Variants in MTMR9 observed in about 807,000 individuals in gnomAD.
The protein encoded by MTMR9 is myotubularin related protein 9, also known as myotubularin-related protein 9.
In MTMR9, 39 loss-of-function variants were observed where a neutral mutation model predicts 69.5. That is an observed-to-expected ratio of 0.56 (90% CI 0.43 to 0.73). The LOEUF is 0.73. Among genes scored for constraint, MTMR9 ranks in the 30% least tolerant of loss-of-function variants. The probability of loss-of-function intolerance (pLI) is 0.00; values close to 1 mark genes in which losing one functional copy is unlikely to be tolerated. For synonymous variants in MTMR9, 354 were observed against 240.8 expected, an observed-to-expected ratio of 1.47 and a Z score of -4.35; for missense variants, 900 against 671.2, an observed-to-expected ratio of 1.34 and a Z score of -3.77.
intron 1 of MTMR9, among the ~76,000 whole-genome samples, chr8:11,290,532 C>A (rs1799345297): frequency 6.6e-6 from 1 of 152,030 alleles, no homozygotes; most frequent in Non-Finnish European, 1.5e-5. Flanking sequence ...GTCCCCAAAT[C>A]ACCAGGATGT....
At chr8:11,299,063 C>T (rs1479920215) in intron 2 of MTMR9, among the ~76,000 whole-genome samples, 2 of 152,162 alleles carry the variant, frequency 1.3e-5, no homozygotes, top group East Asian at 3.8e-4. Context: ...TGCGGTGGCT[C>T]ACACATGTAA....
At chr8:11,317,273 CAGTT>C (rs1447018316) in intron 8 of MTMR9, 1 of 153,668 alleles carries the variant, frequency 6.5e-6, no homozygotes, top group African/African-American at 2.4e-5. Context: ...GACATAGAGT[CAGTT>C]GGTCATCAAA....
In MTMR9 at chr8:11,324,297, C is replaced by T. The variant is rs1048471087; in HGVS notation, c.*1509C>T. On this transcript the variant is annotated 3_prime_UTR_variant, in exon 10 of 10. Transcript: ENST00000221086. ...AATTGCCCAATTCATCTTTCTTCTG[C>T]TTCCTCAGCCTTGTAGCAAAGGCTA... 2.6e-5 allele frequency: 4 copies of T among 152,156 alleles called. No homozygotes were observed. Among genetic ancestry groups the T allele is most frequent in the African/African-American group, 4.8e-5 (2 of 41,432 alleles). The allele number at this position is 152,156 out of a possible 1,614,324, so 9.4% of individuals were successfully genotyped here. A position where few individuals can be genotyped will look rare whatever the true frequency, so the allele number is the denominator to read the frequency against.
At chr8:11,338,223 TGAA>T in the MTMR9 span, among the ~76,000 whole-genome samples, 6 of 152,220 alleles carry the variant, frequency 3.9e-5, no homozygotes, top group Non-Finnish European at 7.3e-5. Flanking sequence ...GGCAGAGTAT[TGAA>T]GAATGAGTCA....
At chr8:11,287,830 T>A (rs1434239510) in intron 1 of MTMR9, among the ~76,000 whole-genome samples, 1 of 125,142 alleles carries the variant, frequency 8.0e-6, no homozygotes, top group African/African-American at 3.2e-5. Context: ...ATATAATATA[T>A]AACATTATAT....
At chr8:11,293,408 G>C (rs758887493) in intron 1 of MTMR9, among the ~76,000 whole-genome samples, 2 of 152,168 alleles carry the variant, frequency 1.3e-5, no homozygotes, top group Non-Finnish European at 2.9e-5. Flanking sequence ...GTAAGGTAAG[G>C]TTAATTTATT....
downstream of MTMR9, chr8:11,331,888 T>A: frequency 1.9e-6 from 3 of 1,612,004 alleles, no homozygotes; most frequent in East Asian, 4.5e-5. Context: ...GCAGAGGGGA[T>A]CCTCGCCTTG....
At chr8:11,294,500 CTTT>C (rs61227530) in intron 1 of MTMR9, among the ~76,000 whole-genome samples, 9 of 105,836 alleles carry the variant, frequency 8.5e-5, no homozygotes, top group African/African-American at 1.8e-4. Context: ...AATACTTTCA[CTTT>C]TTTTTTTTTT....
At chr8:11,312,659 C>T (rs1404248533) in intron 6 of MTMR9, among the ~76,000 whole-genome samples, 1 of 152,192 alleles carries the variant, frequency 6.6e-6, no homozygotes, top group Admixed American at 6.5e-5. Flanking sequence ...GTTTTTACCT[C>T]CTCTCATGAA....
chr8:11,286,541 C>T (rs566880774), intron 1 of MTMR9, among the ~76,000 whole-genome samples: 1 of 151,734 alleles, frequency 6.6e-6, no homozygotes, highest in Non-Finnish European at 1.5e-5. Context: ...TGGCAGGTGC[C>T]TGTAATCCCA....
intron 1 of MTMR9, among the ~76,000 whole-genome samples, chr8:11,290,971 T>C (rs756243897): frequency 6.6e-6 from 1 of 151,236 alleles, no homozygotes; most frequent in Non-Finnish European, 1.5e-5. Context: ...TCTTTAATAA[T>C]AATTGAAGAC....
chr8:11,339,411 C>T, the MTMR9 span, among the ~76,000 whole-genome samples: 2 of 152,202 alleles, frequency 1.3e-5, no homozygotes, highest in South Asian at 2.1e-4. Flanking sequence ...CAATACAGTC[C>T]AAAGGGTCCT....
intron 8 of MTMR9, 187 bp from the exon 9 acceptor site, chr8:11,319,500 G>T (rs1029610318): frequency 8.4e-6 from 5 of 597,980 alleles, no homozygotes; most frequent in Admixed American, 3.1e-5. Flanking sequence ...TTTTGTTGTT[G>T]TTGAGAGTTC....
At chr8:11,294,499 A>ATTTTTTTTT (rs1799478410) in intron 1 of MTMR9, among the ~76,000 whole-genome samples, 1 of 83,790 alleles carries the variant, frequency 1.2e-5, no homozygotes, top group African/African-American at 9.7e-5. Flanking sequence ...AAATACTTTC[A>ATTTTTTTTT]CTTTTTTTTT....
the MTMR9 span, among the ~76,000 whole-genome samples, chr8:11,339,303 C>G: frequency 1.3e-5 from 2 of 152,244 alleles, no homozygotes; most frequent in African/African-American, 4.8e-5. Flanking sequence ...TACTATTTAT[C>G]TGGCAAATTT....
rs1800908878 is a variant in MTMR9, at chr8:11,325,840, T to G, written c.*3052T>G. ...AATTCAGTAGGTTTAAAACAATCTATAAATGTATTTTATTTCCAAGAAAAC... is the reference window on the plus strand; with the variant it reads ...AATTCAGTAGGTTTAAAACAATCTAGAAATGTATTTTATTTCCAAGAAAAC... On this transcript the variant is annotated 3_prime_UTR_variant, in exon 10 of 10. Transcript: ENST00000221086. 1 of 152,168 alleles carries G rather than the reference T, an allele frequency of 6.6e-6. No individual in the cohort carries two copies. Among genetic ancestry groups the G allele is most frequent in the Admixed American group, 6.5e-5 (1 of 15,282 alleles). The allele number at this position is 152,168 out of a possible 1,614,324, so 9.4% of individuals were successfully genotyped here.
chr8:11,338,343 T>A, the MTMR9 span, among the ~76,000 whole-genome samples: 1 of 152,178 alleles, frequency 6.6e-6, no homozygotes, highest in Non-Finnish European at 1.5e-5. Context: ...CAATAAGAAA[T>A]GTGCTAGTGA....
chr8:11,306,455 A>G (rs866908217), intron 5 of MTMR9, 48 bp downstream of exon 5: 2 of 1,540,670 alleles, frequency 1.3e-6, no homozygotes, highest in Non-Finnish European at 9.0e-7. Flanking sequence ...AGCTAATTAT[A>G]GTGGGTAAGG....
downstream of MTMR9, chr8:11,331,337 C>T (rs148317481): frequency 1.4e-5 from 22 of 1,613,854 alleles, no homozygotes; most frequent in Non-Finnish European, 1.7e-5. Flanking sequence ...TCTGTCGATG[C>T]CTCTTCCACC....
Sources: gnomAD v4.1 joint callset for allele counts (sites outside exome capture counted in the v4.1 genomes callset) on GRCh38, gnomAD v4.1.1 for gene constraint, MANE v1.5 for transcripts, NCBI Gene and HGNC (gene_info 2026-07-23, HGNC 2026-07-21) for gene names.